The following NARS2 variants were observed in gnomAD, a reference collection of about 807,000 sequenced individuals.
NARS2 encodes the protein asparaginyl-tRNA synthetase 2, mitochondrial.
In NARS2, 60 loss-of-function variants were observed where a neutral mutation model predicts 62.9. The observed-to-expected ratio is 0.95, with a 90% CI of 0.77 to 1.18. NARS2 has a LOEUF of 1.18. NARS2 is among the 50% of genes most tolerant of loss of function. NARS2 has a pLI of 0.00. For missense variants in NARS2, 619 were observed against 576.4 expected, an observed-to-expected ratio of 1.07 and a Z score of -0.76; for synonymous variants, 196 against 200.0, an observed-to-expected ratio of 0.98 and a Z score of 0.17.
At chr11:78,455,038 C>T (rs1323273879) in intron 11 of NARS2, among the ~76,000 whole-genome samples, 2 of 152,206 alleles carry the variant, frequency 1.3e-5, no homozygotes, top group African/African-American at 4.8e-5. Flanking sequence ...TCCATTTTCA[C>T]TGTTGAGATT....
At chr11:78,467,168 T>C (rs1220594572) in intron 10 of NARS2, among the ~76,000 whole-genome samples, 1 of 152,346 alleles carries the variant, frequency 6.6e-6, no homozygotes, top group East Asian at 1.9e-4. Flanking sequence ...ATAACTGGAA[T>C]AGGAAAAGAG....
At chr11:78,498,032 G>C (rs1860132045) in intron 6 of NARS2, among the ~76,000 whole-genome samples, 1 of 152,122 alleles carries the variant, frequency 6.6e-6, no homozygotes, top group Admixed American at 6.5e-5. Flanking sequence ...TGCTAAAGGG[G>C]GAGGAAGGTT....
At chr11:78,503,923 G>T (rs150652047) in intron 6 of NARS2, among the ~76,000 whole-genome samples, 65 of 152,292 alleles carry the variant, frequency 4.3e-4, no homozygotes, top group African/African-American at 1.5e-3. Flanking sequence ...TACTAAAAAT[G>T]AACACTCTTA....
At chr11:78,481,040 C>CT (rs1565226783) in intron 7 of NARS2, among the ~76,000 whole-genome samples, 1 of 152,060 alleles carries the variant, frequency 6.6e-6, no homozygotes, top group Non-Finnish European at 1.5e-5. Context: ...AGGCTGGTCT[C>CT]TAACTCCTGG....
intron 7 of NARS2, among the ~76,000 whole-genome samples, chr11:78,492,047 C>T (rs958468111): frequency 6.6e-6 from 1 of 150,972 alleles, no homozygotes; most frequent in Non-Finnish European, 1.5e-5. Flanking sequence ...GTTAACAATT[C>T]CTGGGTATTT....
intron 6 of NARS2, among the ~76,000 whole-genome samples, chr11:78,499,688 C>A (rs988999359): frequency 1.3e-5 from 2 of 152,268 alleles, no homozygotes; most frequent in South Asian, 2.1e-4. Flanking sequence ...AACATTACTA[C>A]AAGAAAATAA....
At chr11:78,521,789 CAAAAA>C (rs58282524) in intron 6 of NARS2, among the ~76,000 whole-genome samples, 1 of 96,416 alleles carries the variant, frequency 1.0e-5, no homozygotes, top group African/African-American at 4.7e-5. Flanking sequence ...GACTCCGTCT[CAAAAA>C]AAAAAAAAAA....
chr11:78,496,064 G>GT (rs1446410083), intron 6 of NARS2, among the ~76,000 whole-genome samples: 1 of 152,142 alleles, frequency 6.6e-6, no homozygotes, highest in Non-Finnish European at 1.5e-5. Context: ...TCTGACTGAG[G>GT]TATCTGAGAG....
intron 6 of NARS2, among the ~76,000 whole-genome samples, chr11:78,498,266 T>C (rs1301258989): frequency 6.6e-6 from 1 of 152,206 alleles, no homozygotes; most frequent in East Asian, 1.9e-4. Context: ...TTGATACACC[T>C]TGAAATACCC....
At chr11:78,538,059 C>T (rs895477681) in intron 5 of NARS2, among the ~76,000 whole-genome samples, 4 of 152,176 alleles carry the variant, frequency 2.6e-5, no homozygotes, top group Non-Finnish European at 4.4e-5. Context: ...CCACTCCATC[C>T]TGCCCTGGAC....
intron 5 of NARS2, among the ~76,000 whole-genome samples, chr11:78,537,632 C>CA (rs1855408676): frequency 2.0e-5 from 3 of 152,126 alleles, no homozygotes; most frequent in Admixed American, 2.0e-4. Flanking sequence ...AGGTCCATGT[C>CA]TAAAAATGCA....
At chr11:78,503,055 A>G (rs943371837) in intron 6 of NARS2, among the ~76,000 whole-genome samples, 3 of 151,602 alleles carry the variant, frequency 2.0e-5, no homozygotes, top group Non-Finnish European at 4.4e-5. Flanking sequence ...CACACATTTC[A>G]TTTCATCCTT....
rs566181299 is a variant in NARS2 at position 78,443,777 on chromosome 11, T to A, written c.1165-19A>T. 3.2e-5 allele frequency: 47 copies of A among 1,466,144 alleles called. No homozygotes were observed. In the East Asian group the frequency reaches 6.4e-4, roughly 20 times the overall value. The allele number at this position is 1,466,144 out of a possible 1,614,324, so 90.8% of individuals were successfully genotyped here. On this transcript the variant is annotated intron_variant, in intron 11 of 13. Transcript: ENST00000281038. ...CAGCAACCTAAGGAAAAAAAAAAAA[T>A]TATTAGCATTATATTTTCAGGTGAT...
intron 7 of NARS2, among the ~76,000 whole-genome samples, chr11:78,478,995 T>C (rs1320322156): frequency 6.6e-6 from 1 of 152,140 alleles, no homozygotes; most frequent in Non-Finnish European, 1.5e-5. Flanking sequence ...AACTCACTGG[T>C]AGAATCAGGG....
chr11:78,508,682 C>T (rs1379144554), intron 6 of NARS2, among the ~76,000 whole-genome samples: 1 of 151,616 alleles, frequency 6.6e-6, no homozygotes, highest in East Asian at 1.9e-4. Context: ...TATAAACACC[C>T]AAGAAGTTCA....
chr11:78,526,138 T>C (rs557435032), intron 6 of NARS2, among the ~76,000 whole-genome samples: 59 of 152,284 alleles, frequency 3.9e-4, no homozygotes, highest in Non-Finnish European at 6.5e-4. Context: ...TGTGATAACA[T>C]TTAATTCTTG....
intron 11 of NARS2, among the ~76,000 whole-genome samples, chr11:78,447,417 C>A (rs2135152205): frequency 6.6e-6 from 1 of 152,116 alleles, no homozygotes; most frequent in East Asian, 1.9e-4. Flanking sequence ...TAAATTAGTA[C>A]CGTCATTATG....
intron 11 of NARS2, among the ~76,000 whole-genome samples, chr11:78,459,765 C>T (rs10899509): frequency 0.31 from 47,906 of 152,100 alleles, 9,276 homozygotes; most frequent in African/African-American, 0.53. Context: ...AATGGACTAA[C>T]ATGGAAGTCC....
chr11:78,571,734 T>C (rs1047114939), intron 1 of NARS2: 5 of 253,510 alleles, frequency 2.0e-5, no homozygotes, highest in East Asian at 1.5e-4. Context: ...CCTCCCAATA[T>C]TGGCAATTCC....
Sources: allele counts gnomAD v4.1 joint callset (sites outside exome capture counted in the v4.1 genomes callset), GRCh38; gene constraint gnomAD v4.1.1; transcripts MANE v1.5; gene names NCBI Gene and HGNC (gene_info 2026-07-23, HGNC 2026-07-21).